The following FBXO36 variants were observed in gnomAD, a reference collection of about 807,000 sequenced individuals.
The protein encoded by FBXO36 is F-box only protein 36.
In FBXO36, 18 loss-of-function variants were observed where a neutral mutation model predicts 17.0. The observed-to-expected ratio is 1.06, with a 90% CI of 0.73 to 1.57. FBXO36 has a LOEUF of 1.57. Among genes scored for constraint, FBXO36 ranks in the 40% most tolerant of loss-of-function variants. FBXO36 has a pLI of 0.00. For missense variants in FBXO36, 229 were observed against 221.9 expected, an observed-to-expected ratio of 1.03 and a Z score of -0.20; for synonymous variants, 83 against 85.3, an observed-to-expected ratio of 0.97 and a Z score of 0.15.
chr2:229,957,846 C>G (rs1560440222), intron 1 of FBXO36, among the ~76,000 whole-genome samples: 1 of 152,206 alleles, frequency 6.6e-6, no homozygotes, highest in Non-Finnish European at 1.5e-5. Context: ...AGAGTTCCTT[C>G]TAGCTGTGCC....
chr2:229,931,918 A>ATTTTTT (rs11441584), intron 1 of FBXO36, among the ~76,000 whole-genome samples: 1 of 142,768 alleles, frequency 7.0e-6, no homozygotes, highest in African/African-American at 2.6e-5. Flanking sequence ...ATATGTGTAT[A>ATTTTTT]TATTTTTTTT....
chr2:230,008,409 A>G (rs1004650707), intron 3 of FBXO36, among the ~76,000 whole-genome samples: 2 of 152,190 alleles, frequency 1.3e-5, no homozygotes, highest in East Asian at 1.9e-4. Context: ...AGTAGCCAAA[A>G]CTATAGAACC....
intron 1 of FBXO36, among the ~76,000 whole-genome samples, chr2:229,957,526 G>A (rs951863549): frequency 1.3e-5 from 2 of 152,148 alleles, no homozygotes; most frequent in African/African-American, 4.8e-5. Context: ...GCAGTGAGCC[G>A]AGATCGCACC....
At chr2:229,987,435 C>T (rs760665443) in intron 2 of FBXO36, among the ~76,000 whole-genome samples, 1 of 151,788 alleles carries the variant, frequency 6.6e-6, no homozygotes, top group Non-Finnish European at 1.5e-5. Flanking sequence ...TTAATCTTGC[C>T]AGGGGTTTAC....
At chr2:229,941,757 C>G (rs572316686) in intron 1 of FBXO36, among the ~76,000 whole-genome samples, 1 of 152,314 alleles carries the variant, frequency 6.6e-6, no homozygotes, top group East Asian at 1.9e-4. Flanking sequence ...TAGCTCACAC[C>G]TGCAATCCCA....
intron 1 of FBXO36, among the ~76,000 whole-genome samples, chr2:229,953,180 A>C (rs1010339927): frequency 2.0e-5 from 3 of 151,900 alleles, no homozygotes; most frequent in Non-Finnish European, 4.4e-5. Flanking sequence ...TCTACTAAAA[A>C]CACAAAAAAT....
rs968140821 is a variant in FBXO36, at chr2:229,944,572, C to A, written c.96+21963C>A. Among the ~76,000 whole-genome samples the A allele has an allele frequency of 3.4e-5, 5 of 148,588 alleles. No individual in the cohort carries two copies. In the Admixed American group the frequency reaches 3.5e-4, roughly 10 times the overall value. ...TTTCAATAGTTAGTGGCTAGCAAAA[C>A]TGGTATTTTTTTTCTTTTTCTTTTT... On this transcript the variant is annotated intron_variant, in intron 1 of 3. Coordinates refer to ENST00000283946, the MANE Select transcript of FBXO36 (RefSeq NM_174899.5).
At chr2:229,932,259 G>A (rs1318561326) in intron 1 of FBXO36, among the ~76,000 whole-genome samples, 3 of 151,840 alleles carry the variant, frequency 2.0e-5, no homozygotes, top group South Asian at 2.1e-4. Context: ...GGTGGCTTAC[G>A]CCTGTTATCC....
intron 1 of FBXO36, among the ~76,000 whole-genome samples, chr2:229,973,619 G>T (rs1164317487): frequency 6.6e-6 from 1 of 151,778 alleles, no homozygotes; most frequent in Non-Finnish European, 1.5e-5. Context: ...TACTCAGGAG[G>T]CTAAGGCAGG....
At chr2:230,010,294 A>T (rs1389880073) in intron 3 of FBXO36, among the ~76,000 whole-genome samples, 1 of 152,202 alleles carries the variant, frequency 6.6e-6, no homozygotes. Flanking sequence ...AAATACATAC[A>T]TAGATAAATA....
intron 3 of FBXO36, among the ~76,000 whole-genome samples, chr2:230,003,596 G>T (rs1004948515): frequency 4.0e-5 from 6 of 151,388 alleles, no homozygotes; most frequent in African/African-American, 1.5e-4. Flanking sequence ...ACAGTGGTGT[G>T]ATCTCAACTC....
Position 230,011,677 on chromosome 2 carries a change from G to A in FBXO36, c.*793G>A, listed in dbSNP as rs1238992573. On this transcript the variant is annotated 3_prime_UTR_variant, in exon 4 of 4. Coordinates refer to ENST00000283946, the MANE Select transcript of FBXO36 (RefSeq NM_174899.5). ...TAGGCCAGGCTGGTCTTGAACTCCT[G>A]ACCTCAAGTGATCTACCTGCTCTGG... 7.5e-6 allele frequency: 1 copy of A among 133,536 alleles called. No individual in the cohort carries two copies. The highest frequency in any genetic ancestry group is 1.5e-5 in the Non-Finnish European group (1 of 65,782). 8.3% of individuals were successfully genotyped at this position (133,536 alleles called of 1,614,324 possible).
Position 229,980,603 on chromosome 2 carries a change from A to G in FBXO36, c.205+4254A>G, listed in dbSNP as rs2077233459. ...TTCCAAGCCCTGCCCTTGATAAGAG[A>G]TTGGGGGGAGGGGTCAAGCTCCTGA... On this transcript the variant is annotated intron_variant, in intron 2 of 3. Transcript: ENST00000283946. Among the ~76,000 whole-genome samples, 2 of 151,010 alleles carry G rather than the reference A, an allele frequency of 1.3e-5. 1 individual carries two copies. Among genetic ancestry groups the G allele is most frequent in the South Asian group, 4.2e-4 (2 of 4,720 alleles).
chr2:229,940,090 TA>T (rs1200975478), intron 1 of FBXO36, among the ~76,000 whole-genome samples: 57 of 141,012 alleles, frequency 4.0e-4, no homozygotes, highest in South Asian at 9.0e-4. Context: ...CAAAAAAATA[TA>T]AAAAAAAAAA....
intron 1 of FBXO36, among the ~76,000 whole-genome samples, chr2:229,967,099 T>C (rs1198569277): frequency 4.6e-5 from 7 of 152,176 alleles, no homozygotes; most frequent in Non-Finnish European, 8.8e-5. Context: ...TCACATCCCT[T>C]GTAAGTTGGA....
chr2:229,922,735 C>A, intron 1 of FBXO36, 126 bp downstream of exon 1: 1 of 928,604 alleles, frequency 1.1e-6, no homozygotes, highest in Non-Finnish European at 1.6e-6. Flanking sequence ...CCCGGCTCCG[C>A]GCCGGGAGAT....
intron 3 of FBXO36, among the ~76,000 whole-genome samples, chr2:230,005,756 C>T (rs1394786574): frequency 6.6e-6 from 1 of 152,176 alleles, no homozygotes; most frequent in Non-Finnish European, 1.5e-5. Context: ...CAGCCTCCGC[C>T]TCCCAGATTC....
At chr2:229,967,859 C>T (rs1161531279) in intron 1 of FBXO36, among the ~76,000 whole-genome samples, 2 of 151,960 alleles carry the variant, frequency 1.3e-5, no homozygotes, top group African/African-American at 2.4e-5. Flanking sequence ...GTGTCTCTGC[C>T]CGGCTTTGGT....
intron 3 of FBXO36, among the ~76,000 whole-genome samples, chr2:230,005,734 C>G (rs898231547): frequency 2.0e-5 from 3 of 152,166 alleles, no homozygotes; most frequent in African/African-American, 7.2e-5. Flanking sequence ...GTGGCACAAT[C>G]TTCGTTCATT....
Sources: allele counts gnomAD v4.1 joint callset (sites outside exome capture counted in the v4.1 genomes callset), GRCh38; gene constraint gnomAD v4.1.1; transcripts MANE v1.5; gene names NCBI Gene and HGNC (gene_info 2026-07-23, HGNC 2026-07-21).